The following FBXL16 variants were observed in gnomAD, a reference collection of about 807,000 sequenced individuals.
FBXL16 encodes the protein F-box/LRR-repeat protein 16.
In FBXL16, 7 loss-of-function variants were observed where a neutral mutation model predicts 36.7. That is an observed-to-expected ratio of 0.19 (90% CI 0.11 to 0.36). The LOEUF is 0.36. Ranked by LOEUF, FBXL16 falls within the 10% of genes least tolerant of loss-of-function variation. The pLI, the probability that FBXL16 is intolerant of heterozygous loss-of-function variation, is 1.00. For missense variants in FBXL16, 463 were observed against 659.4 expected (o/e 0.70, Z 3.26); for synonymous variants, 355 against 308.7 (o/e 1.15, Z -1.57).
chr16:704,448 C>T (rs1224066575), intron 1 of FBXL16, among the ~76,000 whole-genome samples: 1 of 152,224 alleles, frequency 6.6e-6, no homozygotes, highest in Non-Finnish European at 1.5e-5. Context: ...ATGTTTGCAG[C>T]TGGGCCTTGA....
At chr16:704,826 C>A (rs1241590874) in intron 1 of FBXL16, among the ~76,000 whole-genome samples, 2 of 152,222 alleles carry the variant, frequency 1.3e-5, no homozygotes, top group South Asian at 2.1e-4. Context: ...GGCCGCTGGG[C>A]CGTCAGTTCC....
intron 3 of FBXL16, 140 bp downstream of exon 3, chr16:695,275 C>T (rs1415451473): frequency 5.9e-6 from 7 of 1,178,358 alleles, no homozygotes; most frequent in South Asian, 1.7e-5. Flanking sequence ...ACTCCCCAGG[C>T]TCCGAGGGCT....
At chr16:704,109 G>C (rs1386887630) in intron 1 of FBXL16, among the ~76,000 whole-genome samples, 7 of 152,240 alleles carry the variant, frequency 4.6e-5, no homozygotes, top group Non-Finnish European at 7.3e-5. Flanking sequence ...ACAGCAGTGG[G>C]TGCCCACATG....
At chr16:694,483 C>T (rs916836879) in intron 5 of FBXL16, 60 bp from the exon 6 acceptor site, 107 of 1,496,428 alleles carry the variant, frequency 7.2e-5, no homozygotes, top group Non-Finnish European at 9.0e-5. Flanking sequence ...CGGGGACGGC[C>T]GGGCCGCGCC....
intron 5 of FBXL16, 30 bp downstream of exon 5, chr16:694,604 C>T (rs745741161): frequency 6.9e-6 from 11 of 1,597,444 alleles, no homozygotes; most frequent in Non-Finnish European, 9.4e-6. Context: ...GTGGTCACTG[C>T]CAGCGTCAGA....
chr16:692,893 CTCTCTCTT>C lies in FBXL16; in HGVS notation c.*1374_*1381del, dbSNP rs1362618611. Reference sequence around the variant, plus strand: ...CTGTTTCTGATTCAACAGCATCTCTCTCTCTCTTTCTCTCTCTCTCTCACTCTCTTTCT... The same window carrying C: ...CTGTTTCTGATTCAACAGCATCTCTCTCTCTCTCTCTCTCACTCTCTTTCT... On this transcript the variant is annotated 3_prime_UTR_variant, in exon 6 of 6. Transcript: ENST00000397621. 1 of 152,218 alleles carries C rather than the reference CTCTCTCTT, an allele frequency of 6.6e-6. No homozygotes were observed. The highest frequency in any genetic ancestry group is 1.5e-5 in the Non-Finnish European group (1 of 68,020). 9.4% of individuals were successfully genotyped at this position (152,218 alleles called of 1,614,324 possible).
chr16:692,664 C>T lies in FBXL16; in HGVS notation c.*1611G>A, dbSNP rs558789667. The T allele has an allele frequency of 2.6e-5, 4 of 152,648 alleles. No homozygotes were observed. Among genetic ancestry groups the T allele is most frequent in the Admixed American group, 2.0e-4 (3 of 15,296 alleles). 9.5% of individuals were successfully genotyped at this position (152,648 alleles called of 1,614,324 possible). On this transcript the variant is annotated 3_prime_UTR_variant, in exon 6 of 6. Transcript: ENST00000397621. ...TTTAGGGGTTGGTTGGTTTTGTTTTCCTCTCTCCCCTTAATTTTTCCTCCT... is the reference window on the plus strand; with the variant it reads ...TTTAGGGGTTGGTTGGTTTTGTTTTTCTCTCTCCCCTTAATTTTTCCTCCT...
rs2040023406 is a variant in FBXL16 at position 697,505 on chromosome 16, C to T, written c.-14-86G>A. On this transcript the variant is annotated intron_variant, in intron 1 of 5. Transcript: ENST00000397621. This position sits in a 1 kb window ranked among gnomAD's most constrained non-coding sequence, Gnocchi z 4.6. ...GGGGCGGGTGCAGTGGGGCTCCTTC[C>T]CTCCTTGGGCGTCCCTATGGTGCTC... 3 of 1,436,354 alleles carry T rather than the reference C, an allele frequency of 2.1e-6. No homozygotes were observed. Among genetic ancestry groups the T allele is most frequent in the Non-Finnish European group, 2.7e-6 (3 of 1,092,328 alleles). The allele number at this position is 1,436,354 out of a possible 1,614,324, so 89.0% of individuals were successfully genotyped here.
intron 3 of FBXL16, 48 bp from the exon 4 acceptor site, chr16:695,124 G>T: frequency 7.7e-6 from 12 of 1,558,412 alleles, no homozygotes; most frequent in Non-Finnish European, 1.0e-5. Context: ...ACCTGGCCCC[G>T]GCCATCCCTC....
At chr16:701,376 G>A (rs561565682) in intron 1 of FBXL16, among the ~76,000 whole-genome samples, 1 of 152,272 alleles carries the variant, frequency 6.6e-6, no homozygotes, top group African/African-American at 2.4e-5. Flanking sequence ...CCAATCTCGC[G>A]TCCACGTTCC....
intron 1 of FBXL16, among the ~76,000 whole-genome samples, chr16:698,929 A>AAAG (rs1555479486): frequency 1.1e-5 from 1 of 87,810 alleles, no homozygotes; most frequent in African/African-American, 3.7e-5. Flanking sequence ...AAAAAAAAAA[A>AAAG]AAAGAAAGAA....
chr16:703,654 T>A (rs1374947979), intron 1 of FBXL16, among the ~76,000 whole-genome samples: 8 of 151,658 alleles, frequency 5.3e-5, no homozygotes, highest in Admixed American at 5.2e-4. Context: ...GCGGCAGAGC[T>A]CCTCTCCCGC....
At position 694,683 on chromosome 16, in the gene FBXL16, C is replaced by T. The variant is rs766911599; in HGVS notation, c.1242G>A (p.Gly414=). ...LRWCCQVQDF[G]LKHLLALGSL... ...TCCCCAGGGCCAGGAGGTGCTTCAG[C>T]CCGAAGTCTTGCACCTGTCGGGAGT... Residue 414 remains glycine (G), a synonymous_variant, in exon 5 of 6, where the codon GGG becomes GGA. Transcript: ENST00000397621. 1 of 1,607,854 alleles carries T rather than the reference C, an allele frequency of 6.2e-7. No homozygotes were observed.
At chr16:698,913 C>CAAAAAAAAAAAAA (rs767619638) in intron 1 of FBXL16, among the ~76,000 whole-genome samples, 2 of 89,710 alleles carry the variant, frequency 2.2e-5, no homozygotes, top group African/African-American at 4.1e-5. Flanking sequence ...GACTTTGTCT[C>CAAAAAAAAAAAAA]AAAAAAAAAA....
At position 694,646 on chromosome 16, in the gene FBXL16, G is replaced by A. The variant is rs2039996756; in HGVS notation, c.1279C>T (p.Leu427=). 6.2e-7 allele frequency: 1 copy of A among 1,610,230 alleles called. No individual in the cohort carries two copies. Among genetic ancestry groups the A allele is most frequent in the Non-Finnish European group, 8.5e-7 (1 of 1,178,640 alleles). The change falls in exon 5 of 6, where the codon CTG becomes TTG. Residue 427 remains leucine (L), a synonymous_variant. Coordinates refer to ENST00000397621, the MANE Select transcript of FBXL16 (RefSeq NM_153350.4). ...ACGGGGGTCTCACCTGCCAGAGACAGGAGGCGCAAACTCCCCAGGGCCAGG... is the reference window on the plus strand; with the variant it reads ...ACGGGGGTCTCACCTGCCAGAGACAAGAGGCGCAAACTCCCCAGGGCCAGG... ...HLLALGSLRL[L]SLAGCPLLTT...
At position 705,740 on chromosome 16, in the gene FBXL16, A is replaced by T. The variant is rs2151523824; in HGVS notation, c.-243T>A. ...GGCCGCCCCAAGCCTCCCACCGGGG[A>T]GGCTGAGGCTGTGCCCAGATAAATA... On this transcript the variant is annotated 5_prime_UTR_variant, in exon 1 of 6. Coordinates refer to ENST00000397621, the MANE Select transcript of FBXL16 (RefSeq NM_153350.4). The T allele has an allele frequency of 6.7e-6, 1 of 148,462 alleles. No individual in the cohort carries two copies. The highest frequency in any genetic ancestry group is 2.1e-4 in the South Asian group (1 of 4,792). The allele number at this position is 148,462 out of a possible 1,614,324, so 9.2% of individuals were successfully genotyped here.
At chr16:702,611 T>G (rs1352974796) in intron 1 of FBXL16, among the ~76,000 whole-genome samples, 1 of 152,192 alleles carries the variant, frequency 6.6e-6, no homozygotes, top group Non-Finnish European at 1.5e-5. Flanking sequence ...GGAGGGCTGA[T>G]GGAGGATTGG....
intron 1 of FBXL16, among the ~76,000 whole-genome samples, chr16:704,985 G>A (rs117757128): frequency 0.024 from 3,585 of 152,300 alleles, 56 homozygotes; most frequent in South Asian, 0.065. Flanking sequence ...GCCAAGGCCC[G>A]GTCCCGCCTC....
Position 695,580 on chromosome 16 carries a change from C to G in FBXL16, c.977G>C (p.Ser326Thr). The change falls in exon 3 of 6, where the codon AGC becomes ACC. Residue 326 changes from serine to threonine, a missense_variant. Around this residue, in one of 3 missense-constraint regions of FBXL16, gnomAD observed 66 missense variants for 146.3 expected, o/e 0.45. Transcript: ENST00000397621. ...VHSLPNLTALSLSGCSKVTDD... is the reference protein window; with the variant it reads ...VHSLPNLTALTLSGCSKVTDD... ...GGTGACCTTGGAGCAGCCCGAGAGG[C>G]TGAGCGCGGTGAGGTTGGGCAGGCT... is the stretch of plus-strand genomic sequence containing the variant. 6.2e-7 allele frequency: 1 copy of G among 1,605,568 alleles called. No individual in the cohort carries two copies. The highest frequency in any genetic ancestry group is 8.5e-7 in the Non-Finnish European group (1 of 1,179,024).
Sources: allele counts gnomAD v4.1 joint callset (sites outside exome capture counted in the v4.1 genomes callset), GRCh38; gene constraint gnomAD v4.1.1; regional missense constraint gnomAD v4.1.1; non-coding constraint Gnocchi (gnomAD v3.1); transcripts MANE v1.5; gene names NCBI Gene and HGNC (gene_info 2026-07-23, HGNC 2026-07-21).